GATAD2A: variants seen among roughly 807,000 people sequenced by gnomAD.
The protein encoded by GATAD2A is transcriptional repressor p66-alpha.
GATAD2A carries 12 observed loss-of-function variants against 68.5 expected under a neutral mutation model. The ratio of observed to expected loss-of-function variants is 0.18; its 90% CI spans 0.11 to 0.28. The LOEUF is 0.28. Among genes scored for constraint, GATAD2A ranks in the 10% least tolerant of loss-of-function variants. GATAD2A has a pLI of 1.00. For synonymous variants in GATAD2A, 410 were observed against 375.3 expected, an observed-to-expected ratio of 1.09 and a Z score of -1.07; for missense variants, 755 against 868.5, an observed-to-expected ratio of 0.87 and a Z score of 1.64.
intron 1 of GATAD2A, among the ~76,000 whole-genome samples, chr19:19,443,719 A>C (rs1312557112): frequency 6.6e-6 from 1 of 152,060 alleles, no homozygotes; most frequent in African/African-American, 2.4e-5. Context: ...AATTTTCCTT[A>C]AAGAAAAGTG....
At chr19:19,416,076 A>C (rs1345844800) in intron 1 of GATAD2A, among the ~76,000 whole-genome samples, 2 of 152,000 alleles carry the variant, frequency 1.3e-5, no homozygotes, top group Non-Finnish European at 2.9e-5. Flanking sequence ...CTCCCACCTT[A>C]GTCTCCTAAA....
At chr19:19,409,950 AC>A (rs1471766831) in intron 1 of GATAD2A, among the ~76,000 whole-genome samples, 1 of 152,176 alleles carries the variant, frequency 6.6e-6, no homozygotes. Flanking sequence ...AAAGGAATTT[AC>A]CCTAATAGAA....
At chr19:19,430,005 A>C (rs532491557) in intron 1 of GATAD2A, among the ~76,000 whole-genome samples, 2 of 151,726 alleles carry the variant, frequency 1.3e-5, no homozygotes, top group Non-Finnish European at 2.9e-5. Context: ...GGCTAGGGCT[A>C]CCTCTGTCTT....
At chr19:19,495,977 T>C (rs2060124348) in intron 6 of GATAD2A, 75 bp from the exon 7 acceptor site, 1 of 1,577,596 alleles carries the variant, frequency 6.3e-7, no homozygotes, top group African/African-American at 1.3e-5. Flanking sequence ...GGGGGCAAGG[T>C]GCCCTGTGCC....
In GATAD2A at chr19:19,506,180, C is replaced by G. The variant is rs762250426; in HGVS notation, c.*706C>G. 1 of 398,660 alleles carries G rather than the reference C, an allele frequency of 2.5e-6. No homozygotes were observed. Among genetic ancestry groups the G allele is most frequent in the African/African-American group, 2.1e-5 (1 of 48,576 alleles). The allele number at this position is 398,660 out of a possible 1,614,324, so 24.7% of individuals were successfully genotyped here. The stretch of plus-strand genomic sequence containing the variant: ...GGGATGGCCGAGGCAGCCCTCGCTC[C>G]AGCTGAACGCCTCCATTGCTGCTTG... On this transcript the variant is annotated 3_prime_UTR_variant, in exon 12 of 12. Coordinates refer to ENST00000683918, the MANE Select transcript of GATAD2A (RefSeq NM_001384528.1).
At chr19:19,489,504 A>G (rs2059645831) in intron 2 of GATAD2A, among the ~76,000 whole-genome samples, 1 of 152,158 alleles carries the variant, frequency 6.6e-6, no homozygotes, top group African/African-American at 2.4e-5. Context: ...GGCTGCTGGG[A>G]TGCTGAGTGA....
At chr19:19,425,064 TAAAAA>T (rs529552728) in intron 1 of GATAD2A, among the ~76,000 whole-genome samples, 1 of 96,140 alleles carries the variant, frequency 1.0e-5, no homozygotes, top group Non-Finnish European at 2.3e-5. Context: ...TGTGCAACAA[TAAAAA>T]AAAAAAAAAA....
intron 3 of GATAD2A, 48 bp from the exon 4 acceptor site, chr19:19,492,533 C>T (rs761259179): frequency 1.9e-6 from 3 of 1,612,052 alleles, no homozygotes; most frequent in East Asian, 2.2e-5. Context: ...GGCCTCTGCT[C>T]CTCACCAAGG....
intron 1 of GATAD2A, among the ~76,000 whole-genome samples, chr19:19,460,763 G>T (rs534084781): frequency 6.6e-6 from 1 of 152,162 alleles, no homozygotes; most frequent in Non-Finnish European, 1.5e-5. Flanking sequence ...CCCTTCCCCA[G>T]TGTAGCTGCA....
At chr19:19,431,570 T>C (rs903327708) in intron 1 of GATAD2A, among the ~76,000 whole-genome samples, 1 of 150,930 alleles carries the variant, frequency 6.6e-6, no homozygotes, top group African/African-American at 2.4e-5. Flanking sequence ...GGTGCGTGCC[T>C]GTAGTCCCAG....
chr19:19,441,410 G>T (rs2055058043), intron 1 of GATAD2A, among the ~76,000 whole-genome samples: 1 of 150,906 alleles, frequency 6.6e-6, no homozygotes, highest in African/African-American at 2.4e-5. Flanking sequence ...TTATTTTTGG[G>T]CAGGGTCTTG....
At chr19:19,425,683 C>A (rs2052991438) in intron 1 of GATAD2A, among the ~76,000 whole-genome samples, 1 of 152,186 alleles carries the variant, frequency 6.6e-6, no homozygotes, top group African/African-American at 2.4e-5. Flanking sequence ...CACACACCGG[C>A]CTGGCAGACA....
intron 1 of GATAD2A, 112 bp downstream of exon 1, chr19:19,406,131 G>C (rs2050205988): frequency 6.6e-6 from 1 of 152,042 alleles, no homozygotes; most frequent in Admixed American, 6.6e-5. Flanking sequence ...AAGGACCCCT[G>C]CATGAGCGTG....
chr19:19,493,912 C>T (rs545496703), intron 4 of GATAD2A, among the ~76,000 whole-genome samples: 1 of 152,212 alleles, frequency 6.6e-6, no homozygotes, highest in East Asian at 1.9e-4. Flanking sequence ...CCAGAGTCAC[C>T]GTTTTCTCAC....
At chr19:19,394,898 C>T (rs1191690476) in intron 1 of GATAD2A, among the ~76,000 whole-genome samples, 1 of 152,194 alleles carries the variant, frequency 6.6e-6, no homozygotes, top group African/African-American at 2.4e-5. Context: ...TCATTTTGGG[C>T]ACAGCCTCGA....
In GATAD2A at chr19:19,505,905, T is replaced by C. The variant is rs977617082; in HGVS notation, c.*431T>C. ...CTGAACCGAGCGGGGTGTTTCATTTTTTTGCTTTTCCCTGTCTTAGGCTCC... is the reference window on the plus strand; with the variant it reads ...CTGAACCGAGCGGGGTGTTTCATTTCTTTGCTTTTCCCTGTCTTAGGCTCC... On this transcript the variant is annotated 3_prime_UTR_variant, in exon 12 of 12. Transcript: ENST00000683918. The C allele has an allele frequency of 1.8e-5, 7 of 398,864 alleles. No individual in the cohort carries two copies. Among genetic ancestry groups the C allele is most frequent in the Non-Finnish European group, 3.1e-5 (7 of 226,322 alleles). The allele number at this position is 398,864 out of a possible 1,614,324, so 24.7% of individuals were successfully genotyped here. A position where few individuals can be genotyped will look rare whatever the true frequency, so the allele number is the denominator to read the frequency against.
chr19:19,392,473 A>G (rs1036349851), intron 1 of GATAD2A, among the ~76,000 whole-genome samples: 2 of 149,296 alleles, frequency 1.3e-5, no homozygotes, highest in African/African-American at 5.0e-5. Flanking sequence ...GCTCACTGCA[A>G]CCTCCACCTC....
intron 2 of GATAD2A, among the ~76,000 whole-genome samples, chr19:19,475,235 G>A (rs933291534): frequency 6.6e-6 from 1 of 152,206 alleles, no homozygotes; most frequent in South Asian, 2.1e-4. Context: ...CACAGCTGTC[G>A]ACGTGAGGGC....
intron 4 of GATAD2A, 44 bp from the exon 5 acceptor site, chr19:19,494,250 C>A: frequency 8.8e-7 from 1 of 1,141,860 alleles, no homozygotes; most frequent in Non-Finnish European, 1.3e-6. Context: ...GGAGAGGGAC[C>A]GGCCCGGTGG....
Sources: allele counts gnomAD v4.1 joint callset (sites outside exome capture counted in the v4.1 genomes callset), GRCh38; gene constraint gnomAD v4.1.1; transcripts MANE v1.5; gene names NCBI Gene and HGNC (gene_info 2026-07-23, HGNC 2026-07-21).